The following ACO2 variants were observed in gnomAD, a reference collection of about 807,000 sequenced individuals.
ACO2 encodes the protein aconitate hydratase, mitochondrial.
A neutral mutation model predicts 84.5 loss-of-function variants in ACO2; 31 were observed. The observed-to-expected ratio is 0.37, with a 90% CI of 0.28 to 0.50. The LOEUF (loss-of-function observed/expected upper bound fraction) is 0.50, where lower values mean the gene tolerates loss of function less well. Ranked by LOEUF, ACO2 falls within the 20% of genes least tolerant of loss-of-function variation. The pLI, the probability that ACO2 is intolerant of heterozygous loss-of-function variation, is 0.97. For missense variants in ACO2, 685 were observed against 1,029.3 expected, an observed-to-expected ratio of 0.67 and a Z score of 4.58; for synonymous variants, 414 against 412.7, an observed-to-expected ratio of 1.00 and a Z score of -0.04.
At chr22:41,528,425 G>A in intron 17 of ACO2, 54 bp from the exon 18 acceptor site, 8 of 1,594,346 alleles carry the variant, frequency 5.0e-6, no homozygotes, top group South Asian at 2.3e-5. Context: ...CCCCTGCGGG[G>A]CCAAGGGCAC....
At chr22:41,478,823 G>GTGA (rs2038052273) in intron 1 of ACO2, among the ~76,000 whole-genome samples, 2 of 147,702 alleles carry the variant, frequency 1.4e-5, no homozygotes, top group Non-Finnish European at 1.5e-5. Context: ...CTGGAGTGCA[G>GTGA]TGAGTGACAC....
chr22:41,526,386 C>G lies in ACO2; in HGVS notation c.1886C>G (p.Ala629Gly). ...GCCATCAACATTGAAAACGGCAAGG[C>G]CAACTCCGTGCGCAATGCCGTCACT... is the stretch of plus-strand genomic sequence containing the variant. ...IGAINIENGKANSVRNAVTQE... is the reference protein window; with the variant it reads ...IGAINIENGKGNSVRNAVTQE... The change falls in exon 15 of 18, where the codon GCC becomes GGC. Residue 629 changes from alanine (A) to glycine (G), a missense_variant. Ala to Gly is a moderately conservative substitution (Grantham distance 60). Around this residue, in one of 5 missense-constraint regions of ACO2, gnomAD observed 174 missense variants for 236.6 expected, o/e 0.74. Coordinates refer to ENST00000216254, the MANE Select transcript of ACO2 (RefSeq NM_001098.3). 1 of 1,613,892 alleles carries G rather than the reference C, an allele frequency of 6.2e-7. No homozygotes were observed. The highest frequency in any genetic ancestry group is 1.1e-5 in the South Asian group (1 of 91,064).
chr22:41,528,645 C>A lies in ACO2; in HGVS notation c.*32C>A. ...TGCCTCCCCGCCCCGCCGCTGGCGT[C>A]AAGTTCAGCTCCACGTGTGCCATCA... On this transcript the variant is annotated 3_prime_UTR_variant, in exon 18 of 18. Coordinates refer to ENST00000216254, the MANE Select transcript of ACO2 (RefSeq NM_001098.3). 1 of 1,607,256 alleles carries A rather than the reference C, an allele frequency of 6.2e-7. No homozygotes were observed. The highest frequency in any genetic ancestry group is 1.3e-5 in the African/African-American group (1 of 74,994).
chr22:41,496,932 G>T (rs1489718393), intron 1 of ACO2, among the ~76,000 whole-genome samples: 2 of 152,094 alleles, frequency 1.3e-5, no homozygotes, highest in Non-Finnish European at 2.9e-5. Flanking sequence ...GACAGCGTTT[G>T]GATTATATAT....
At chr22:41,493,016 G>A (rs543653594) in intron 1 of ACO2, among the ~76,000 whole-genome samples, 1 of 152,288 alleles carries the variant, frequency 6.6e-6, no homozygotes, top group South Asian at 2.1e-4. Flanking sequence ...AGATTGAGGG[G>A]CTGCATCTGG....
intron 11 of ACO2, 37 bp downstream of exon 11, chr22:41,523,315 G>C (rs376110432): frequency 6.5e-7 from 1 of 1,533,956 alleles, no homozygotes. Context: ...AGCCCCTTGT[G>C]CACAGGGTAC....
Position 41,515,590 on chromosome 22 carries a change from G to T in ACO2, c.684+55G>T. The T allele has an allele frequency of 6.3e-7, 1 of 1,580,904 alleles. No individual in the cohort carries two copies. Among genetic ancestry groups the T allele is most frequent in the Non-Finnish European group, 8.6e-7 (1 of 1,162,090 alleles). ...TGGCTGTGGGGTGGTGGTTGGTGGG[G>T]ATGAACGGGAGACGGTGGGACCCAG... On this transcript the variant is annotated intron_variant, in intron 5 of 17. Transcript: ENST00000216254. This position sits in a 1 kb window ranked among gnomAD's most constrained non-coding sequence, Gnocchi z 5.8.
chr22:41,517,917 G>A (rs1443404806), intron 7 of ACO2, among the ~76,000 whole-genome samples: 3 of 152,204 alleles, frequency 2.0e-5, no homozygotes, highest in African/African-American at 7.2e-5. Flanking sequence ...CGCCCTTCTC[G>A]GCCTGGTCCC....
chr22:41,502,707 C>G (rs2066362086), intron 2 of ACO2, among the ~76,000 whole-genome samples: 2 of 152,198 alleles, frequency 1.3e-5, no homozygotes, highest in South Asian at 4.1e-4. Flanking sequence ...CTCCCAGGCT[C>G]AAGCGATTGT....
intron 1 of ACO2, among the ~76,000 whole-genome samples, chr22:41,473,902 G>C (rs1270259446): frequency 6.6e-6 from 1 of 152,180 alleles, no homozygotes; most frequent in African/African-American, 2.4e-5. Flanking sequence ...AGGAGCGAAA[G>C]GTCTGAACAA....
rs563270842 is a variant in ACO2, at chr22:41,478,962, A to G, written c.36+9780A>G. ...ATTTTCTTGTATGCCACACTTCTTT[A>G]GTTCCTTGTAGCCGGGCTCCTTGAC... On this transcript the variant is annotated intron_variant, in intron 1 of 17. Coordinates refer to ENST00000216254, the MANE Select transcript of ACO2 (RefSeq NM_001098.3). 1.2e-4 allele frequency among the ~76,000 whole-genome samples: 19 copies of G among 152,006 alleles called. No individual in the cohort carries two copies. In the East Asian group the frequency reaches 3.7e-3, roughly 29 times the overall value.
In ACO2 at chr22:41,515,426, A is replaced by T; in HGVS notation, c.575A>T (p.Asp192Val). The T allele has an allele frequency of 6.2e-7, 1 of 1,613,034 alleles. No homozygotes were observed. The highest frequency in any genetic ancestry group is 8.5e-7 in the Non-Finnish European group (1 of 1,179,834). Residue 192 changes from aspartate (D) to valine (V), a missense_variant, in exon 5 of 18, where the codon GAC becomes GTC. Physicochemically the swap from Asp to Val is radical, Grantham distance 152 (BLOSUM62 -3). This residue lies in a region of ACO2 where 92 missense variants were observed against 203.7 expected (regional missense o/e 0.45). Coordinates refer to ENST00000216254, the MANE Select transcript of ACO2 (RefSeq NM_001098.3). The surrounding 1 kb of genome is among the most constrained non-coding windows in gnomAD (Gnocchi z 5.8). Reference sequence around the variant, plus strand: ...CCTGGTGTTCTTCTGATTGGCACTGACTCCCACACCCCCAATGGTGGCGGC... The same window carrying T: ...CCTGGTGTTCTTCTGATTGGCACTGTCTCCCACACCCCCAATGGTGGCGGC... ...AYPGVLLIGT[D>V]SHTPNGGGLG...
intron 1 of ACO2, among the ~76,000 whole-genome samples, chr22:41,473,538 C>T (rs1047566742): frequency 5.3e-5 from 8 of 152,156 alleles, no homozygotes; most frequent in Non-Finnish European, 1.2e-4. Flanking sequence ...ATGTCTAGCA[C>T]TGCCTAGCAT....
chr22:41,523,946 G>C lies in ACO2; in HGVS notation c.1482+5G>C. 1 of 1,612,704 alleles carries C rather than the reference G, an allele frequency of 6.2e-7. No homozygotes were observed. The highest frequency in any genetic ancestry group is 8.5e-7 in the Non-Finnish European group (1 of 1,179,354). On this transcript the variant is annotated splice_donor_5th_base_variant and intron_variant, in intron 12 of 17. Transcript: ENST00000216254. Reference sequence around the variant, plus strand: ...GCCTTTGTCACGTCCCCAGAGGTGAGACTGCCCAGCTGCGCACAAGCCTGG... The same window carrying C: ...GCCTTTGTCACGTCCCCAGAGGTGACACTGCCCAGCTGCGCACAAGCCTGG...
chr22:41,528,224 C>T, intron 17 of ACO2: 1 of 861,850 alleles, frequency 1.2e-6, no homozygotes, highest in Non-Finnish European at 1.7e-6. Context: ...CTCACACCTC[C>T]CCAACCTCCC....
At chr22:41,523,093 A>G in intron 10 of ACO2, 106 bp downstream of exon 10, 1 of 1,553,716 alleles carries the variant, frequency 6.4e-7, no homozygotes, top group Non-Finnish European at 8.8e-7. Flanking sequence ...GGCAGGTCCC[A>G]GTGGCTGCCC....
chr22:41,498,964 C>T (rs1000953105), intron 1 of ACO2, among the ~76,000 whole-genome samples: 1 of 151,812 alleles, frequency 6.6e-6, no homozygotes, highest in African/African-American at 2.4e-5. Flanking sequence ...CATGGTGGTG[C>T]GTGCCTGTAA....
rs567416561 is a variant in ACO2 at position 41,494,736 on chromosome 22, G to T, written c.37-4990G>T. On this transcript the variant is annotated intron_variant, in intron 1 of 17. Coordinates refer to ENST00000216254, the MANE Select transcript of ACO2 (RefSeq NM_001098.3). ...GTATTCTGTATCAACATATGATTTT[G>T]TCCTTTTTGTTTTTTGAGACAGAGT... 5.2e-4 allele frequency among the ~76,000 whole-genome samples: 77 copies of T among 149,106 alleles called. 1 individual carries two copies. Among genetic ancestry groups the T allele is most frequent in the African/African-American group, 1.5e-3 (60 of 40,516 alleles).
intron 17 of ACO2, 200 bp from the exon 18 acceptor site, chr22:41,528,279 C>T: frequency 1.2e-6 from 1 of 869,452 alleles, no homozygotes; most frequent in East Asian, 2.7e-5. Flanking sequence ...CCACCCACTG[C>T]AGGACCCTCT....
Sources: allele counts gnomAD v4.1 joint callset (sites outside exome capture counted in the v4.1 genomes callset), GRCh38; gene constraint gnomAD v4.1.1; regional missense constraint gnomAD v4.1.1; non-coding constraint Gnocchi (gnomAD v3.1); transcripts MANE v1.5; gene names NCBI Gene and HGNC (gene_info 2026-07-23, HGNC 2026-07-21).